The following PRICKLE1 variants were observed in gnomAD, a reference collection of about 807,000 sequenced individuals.
The protein encoded by PRICKLE1 is prickle-like protein 1.
Under a neutral mutation model 70.2 loss-of-function variants are expected in PRICKLE1, and 14 were observed. The observed-to-expected ratio is 0.20, with a 90% CI of 0.13 to 0.31. The LOEUF is 0.31. Among genes scored for constraint, PRICKLE1 ranks in the 10% least tolerant of loss-of-function variants. The pLI is 1.00. For missense variants in PRICKLE1, 821 were observed against 1,026.2 expected (o/e 0.80, Z 2.73); for synonymous variants, 357 against 379.9 (o/e 0.94, Z 0.70).
At chr12:42,538,131 A>G (rs1340450924) in intron 1 of PRICKLE1, among the ~76,000 whole-genome samples, 1 of 152,190 alleles carries the variant, frequency 6.6e-6, no homozygotes, top group African/African-American at 2.4e-5. Flanking sequence ...CCTGGGCAAC[A>G]TAGGGAGACC....
intron 1 of PRICKLE1, among the ~76,000 whole-genome samples, chr12:42,581,310 T>G (rs1344950921): frequency 1.3e-5 from 2 of 152,044 alleles, no homozygotes; most frequent in African/African-American, 2.4e-5. Context: ...CTAGTCTGAG[T>G]TTTTTGGTTT....
rs369174882 is a variant in PRICKLE1 at position 42,502,717 on chromosome 12, G to C, written c.-48-30153C>G. Among the ~76,000 whole-genome samples, 11 of 152,296 alleles carry C rather than the reference G, an allele frequency of 7.2e-5. No homozygotes were observed. In the East Asian group the frequency reaches 1.7e-3, roughly 24 times the overall value. On this transcript the variant is annotated intron_variant, in intron 1 of 7. Coordinates refer to ENST00000345127, the MANE Select transcript of PRICKLE1 (RefSeq NM_153026.3). The stretch of plus-strand genomic sequence containing the variant: ...GTATTTTCAGAGCAGACGCGGGAAA[G>C]GGCCGAGTCTTAGATGTCTTTTTTT...
chr12:42,487,797 G>A (rs1593133106), intron 1 of PRICKLE1, among the ~76,000 whole-genome samples: 2 of 152,280 alleles, frequency 1.3e-5, no homozygotes, highest in East Asian at 3.9e-4. Context: ...TATAATCCCG[G>A]CACTTTGGGA....
At chr12:42,482,604 A>G (rs1471149099) in intron 1 of PRICKLE1, among the ~76,000 whole-genome samples, 1 of 152,162 alleles carries the variant, frequency 6.6e-6, no homozygotes, top group Admixed American at 6.5e-5. Context: ...AACTTACAGC[A>G]CCCATTTGAA....
At chr12:42,513,053 C>T (rs1397813261) in intron 1 of PRICKLE1, among the ~76,000 whole-genome samples, 1 of 152,144 alleles carries the variant, frequency 6.6e-6, no homozygotes, top group Non-Finnish European at 1.5e-5. Context: ...GCAGCCTTCA[C>T]CTCCTGGGTT....
chr12:42,472,321 A>C, intron 2 of PRICKLE1, 64 bp downstream of exon 2: 1 of 1,570,586 alleles, frequency 6.4e-7, no homozygotes, highest in Non-Finnish European at 8.7e-7. Context: ...TTACAAAATA[A>C]TGTTCTAAAG....
Position 42,460,439 on chromosome 12 carries a change from G to A in PRICKLE1, c.1866C>T (p.Ser622=). The A allele has an allele frequency of 6.2e-7, 1 of 1,614,088 alleles. No homozygotes were observed. Among genetic ancestry groups the A allele is most frequent in the South Asian group, 1.1e-5 (1 of 91,082 alleles). The part of the protein sequence containing the change: ...KPVHLPVLRR[S]KSQSRPQQVK... ...CCTGCTGGGGTCTGGATTGAGACTT[G>A]GACCTTCTGAGCACTGGCAGATGTA... The change falls in exon 8 of 8, where the codon TCC becomes TCT. Residue 622 remains serine (S), a synonymous_variant. Coordinates refer to ENST00000345127, the MANE Select transcript of PRICKLE1 (RefSeq NM_153026.3).
At chr12:42,587,189 A>G (rs1940999177) in intron 1 of PRICKLE1, among the ~76,000 whole-genome samples, 1 of 152,228 alleles carries the variant, frequency 6.6e-6, no homozygotes, top group Admixed American at 6.5e-5. Flanking sequence ...TTTAAAACCT[A>G]TGAACCAACA....
At chr12:42,552,393 C>T (rs1940333373) in intron 1 of PRICKLE1, among the ~76,000 whole-genome samples, 1 of 152,132 alleles carries the variant, frequency 6.6e-6, no homozygotes, top group African/African-American at 2.4e-5. Context: ...TGTCACTCTA[C>T]ACTATTTCCT....
chr12:42,493,482 A>C (rs1939140348), intron 1 of PRICKLE1, among the ~76,000 whole-genome samples: 1 of 152,224 alleles, frequency 6.6e-6, no homozygotes, highest in South Asian at 2.1e-4. Flanking sequence ...CGAATTGACT[A>C]ACTTGAAATC....
intron 1 of PRICKLE1, among the ~76,000 whole-genome samples, chr12:42,551,244 T>C (rs1940310896): frequency 6.6e-6 from 1 of 152,222 alleles, no homozygotes; most frequent in East Asian, 1.9e-4. Context: ...CAGATGGTTG[T>C]GATCACACAT....
chr12:42,467,393 G>A (rs1938138890), intron 5 of PRICKLE1, among the ~76,000 whole-genome samples: 1 of 151,966 alleles, frequency 6.6e-6, no homozygotes, highest in Non-Finnish European at 1.5e-5. Context: ...GGGATTACAG[G>A]CGTGAGCCAC....
chr12:42,478,534 T>C (rs1357739004), intron 1 of PRICKLE1, among the ~76,000 whole-genome samples: 2 of 152,014 alleles, frequency 1.3e-5, no homozygotes, highest in South Asian at 2.1e-4. Flanking sequence ...GAGGGGGTGG[T>C]CAAGCACAAG....
chr12:42,576,004 C>A (rs1337410893), intron 1 of PRICKLE1, among the ~76,000 whole-genome samples: 1 of 152,198 alleles, frequency 6.6e-6, no homozygotes, highest in Non-Finnish European at 1.5e-5. Context: ...GCTTACATGC[C>A]TTCCTCCCTT....
At chr12:42,537,458 C>T (rs1449309306) in intron 1 of PRICKLE1, among the ~76,000 whole-genome samples, 1 of 152,190 alleles carries the variant, frequency 6.6e-6, no homozygotes, top group Non-Finnish European at 1.5e-5. Flanking sequence ...AGCCACCATG[C>T]CTGGTCATCT....
At chr12:42,580,365 C>T (rs1379306191) in intron 1 of PRICKLE1, among the ~76,000 whole-genome samples, 1 of 152,036 alleles carries the variant, frequency 6.6e-6, no homozygotes, top group East Asian at 1.9e-4. Context: ...TTCTGTCAAC[C>T]TCCAGATATG....
intron 1 of PRICKLE1, among the ~76,000 whole-genome samples, chr12:42,534,427 C>T (rs1229029682): frequency 6.6e-6 from 1 of 152,140 alleles, no homozygotes. Flanking sequence ...CAGCCTTGGG[C>T]ATCCAGCACA....
At chr12:42,500,714 C>A (rs942961475) in intron 1 of PRICKLE1, among the ~76,000 whole-genome samples, 46 of 146,440 alleles carry the variant, frequency 3.1e-4, no homozygotes, top group African/African-American at 1.0e-3. Flanking sequence ...GAAAAAAAAG[C>A]AATAGAATTA....
chr12:42,550,545 G>A (rs1205398876), intron 1 of PRICKLE1, among the ~76,000 whole-genome samples: 1 of 152,124 alleles, frequency 6.6e-6, no homozygotes, highest in South Asian at 2.1e-4. Context: ...TCTCCCAAAT[G>A]TCGTATTATA....
Sources: allele counts gnomAD v4.1 joint callset (sites outside exome capture counted in the v4.1 genomes callset), GRCh38; gene constraint gnomAD v4.1.1; transcripts MANE v1.5; gene names NCBI Gene and HGNC (gene_info 2026-07-23, HGNC 2026-07-21).